The following GRIA1 variants were observed in gnomAD, a reference collection of about 807,000 sequenced individuals.
GRIA1 encodes glutamate ionotropic receptor AMPA type subunit 1.
A neutral mutation model predicts 99.2 loss-of-function variants in GRIA1; 31 were observed. The observed-to-expected ratio is 0.31, with a 90% CI of 0.23 to 0.42. The LOEUF is 0.42. GRIA1 is among the 10% of genes least tolerant of loss of function. GRIA1 has a pLI of 1.00. For synonymous variants in GRIA1, 438 were observed against 432.4 expected (o/e 1.01, Z -0.16); for missense variants, 782 against 1,157.5 (o/e 0.68, Z 4.71).
At chr5:153,495,798 A>G (rs773124767) in intron 2 of GRIA1, among the ~76,000 whole-genome samples, 17 of 152,142 alleles carry the variant, frequency 1.1e-4, no homozygotes, top group Non-Finnish European at 2.1e-4. Flanking sequence ...TTGCTATTAG[A>G]TAACCTTTCT....
At chr5:153,720,892 T>G (rs1057188118) in intron 11 of GRIA1, among the ~76,000 whole-genome samples, 1 of 152,190 alleles carries the variant, frequency 6.6e-6, no homozygotes, top group Non-Finnish European at 1.5e-5. Context: ...ATGATGTGTA[T>G]AGTCTCATTA....
intron 2 of GRIA1, among the ~76,000 whole-genome samples, chr5:153,552,008 T>C (rs1760192388): frequency 6.6e-6 from 1 of 152,092 alleles, no homozygotes; most frequent in South Asian, 2.1e-4. Context: ...AATCATCACT[T>C]TGGAATTGTC....
At chr5:153,737,437 C>T (rs1455202011) in intron 11 of GRIA1, among the ~76,000 whole-genome samples, 1 of 152,014 alleles carries the variant, frequency 6.6e-6, no homozygotes, top group East Asian at 1.9e-4. Flanking sequence ...ATGTGATTGC[C>T]AATTACTGTG....
In GRIA1 at chr5:153,499,631, A is replaced by G; in HGVS notation, c.220+5566A>G. Among the ~76,000 whole-genome samples the G allele has an allele frequency of 1.3e-5, 2 of 150,888 alleles. 1 individual carries two copies. The highest frequency in any genetic ancestry group is 3.0e-5 in the Non-Finnish European group (2 of 67,636). On this transcript the variant is annotated intron_variant, in intron 2 of 15. Coordinates refer to ENST00000285900, the MANE Select transcript of GRIA1 (RefSeq NM_000827.4). ...TTTGTCTCAAAAAAAAAAAAAAAAA[A>G]AAAAAAAAACTATGAATATATGGAC... is the stretch of plus-strand genomic sequence containing the variant.
At position 153,572,431 on chromosome 5, in the gene GRIA1, G is replaced by A. The variant is rs186361047; in HGVS notation, c.221-74497G>A. Among the ~76,000 whole-genome samples, 5 of 152,312 alleles carry A rather than the reference G, an allele frequency of 3.3e-5. No individual in the cohort carries two copies. The East Asian group carries it at 9.6e-4, about 29-fold the overall frequency. On this transcript the variant is annotated intron_variant, in intron 2 of 15. Transcript: ENST00000285900. ...GCACCTCCTGTGCATTCATCCTGAAGGAGAGAGTTACTTTACCTTTAGATA... is the reference window on the plus strand; with the variant it reads ...GCACCTCCTGTGCATTCATCCTGAAAGAGAGAGTTACTTTACCTTTAGATA...
chr5:153,709,048 C>G (rs1256359041), intron 11 of GRIA1, among the ~76,000 whole-genome samples: 1 of 152,198 alleles, frequency 6.6e-6, no homozygotes, highest in Non-Finnish European at 1.5e-5. Flanking sequence ...ACATATACTT[C>G]ATCTTACCTT....
At chr5:153,497,863 G>A (rs922008738) in intron 2 of GRIA1, among the ~76,000 whole-genome samples, 1 of 152,150 alleles carries the variant, frequency 6.6e-6, no homozygotes, top group Non-Finnish European at 1.5e-5. Context: ...TTTCTATCCT[G>A]TAAAGAGAAA....
chr5:153,542,097 T>A (rs1759178950), intron 2 of GRIA1, among the ~76,000 whole-genome samples: 1 of 152,030 alleles, frequency 6.6e-6, no homozygotes, highest in African/African-American at 2.4e-5. Flanking sequence ...AGCCTGTTCT[T>A]CCTGATGATA....
chr5:153,490,915 C>T lies in GRIA1; in HGVS notation c.27C>T (p.Cys9=). The part of the protein sequence containing the change: MQHIFAFF[C]TGFLGAVVGA... The stretch of plus-strand genomic sequence containing the variant: ...TGCAGCACATTTTTGCCTTCTTCTG[C>T]ACCGGTTTCCTAGGCGCGGTAGTAG... The change falls in exon 1 of 16, where the codon TGC becomes TGT. Residue 9 remains cysteine, a synonymous_variant. Transcript: ENST00000285900. 1 of 1,614,128 alleles carries T rather than the reference C, an allele frequency of 6.2e-7. No homozygotes were observed. The highest frequency in any genetic ancestry group is 8.5e-7 in the Non-Finnish European group (1 of 1,179,988).
intron 7 of GRIA1, among the ~76,000 whole-genome samples, chr5:153,681,335 G>C (rs1202206149): frequency 6.6e-6 from 1 of 152,152 alleles, no homozygotes; most frequent in Non-Finnish European, 1.5e-5. Context: ...CCAACGTCCA[G>C]GGTCATATTT....
chr5:153,510,055 A>G (rs1489892164), intron 2 of GRIA1, among the ~76,000 whole-genome samples: 2 of 152,164 alleles, frequency 1.3e-5, no homozygotes, highest in Non-Finnish European at 2.9e-5. Flanking sequence ...CCACTTTGCT[A>G]CTTGTTTCCT....
intron 1 of GRIA1, 83 bp from the exon 2 acceptor site, chr5:153,493,844 GA>G: frequency 7.1e-7 from 1 of 1,416,282 alleles, no homozygotes; most frequent in Non-Finnish European, 9.8e-7. Flanking sequence ...ATGGGGAGAA[GA>G]AAAGGACTCA....
intron 2 of GRIA1, among the ~76,000 whole-genome samples, chr5:153,565,888 G>A (rs1428795779): frequency 6.6e-6 from 1 of 151,896 alleles, no homozygotes; most frequent in Non-Finnish European, 1.5e-5. Flanking sequence ...ATAGACATTT[G>A]AGTTGTTTTT....
intron 5 of GRIA1, among the ~76,000 whole-genome samples, chr5:153,663,253 A>T (rs919714643): frequency 6.6e-6 from 1 of 152,234 alleles, no homozygotes; most frequent in Non-Finnish European, 1.5e-5. Flanking sequence ...CAAGTTGTTG[A>T]AAAACCTTTT....
chr5:153,545,570 G>A (rs921169657), intron 2 of GRIA1, among the ~76,000 whole-genome samples: 6 of 152,124 alleles, frequency 3.9e-5, no homozygotes, highest in Non-Finnish European at 5.9e-5. Flanking sequence ...TAGTTGCTTG[G>A]GTCCCGGGTT....
chr5:153,516,426 TG>T (rs1233690619), intron 2 of GRIA1, among the ~76,000 whole-genome samples: 2 of 151,790 alleles, frequency 1.3e-5, no homozygotes, highest in Non-Finnish European at 2.9e-5. Context: ...CAGCACCCTT[TG>T]GGGGAAAGAG....
chr5:153,615,709 C>T (rs935490164), intron 2 of GRIA1, among the ~76,000 whole-genome samples: 3 of 152,088 alleles, frequency 2.0e-5, no homozygotes, highest in Admixed American at 2.0e-4. Flanking sequence ...TTGCTTTGTC[C>T]AGGGGCTCTG....
At chr5:153,741,668 G>A (rs6878548) in intron 11 of GRIA1, among the ~76,000 whole-genome samples, 29,235 of 152,054 alleles carry the variant, frequency 0.19, 3,229 homozygotes, top group East Asian at 0.53. Context: ...GACAAATACC[G>A]CATGGTTCCA....
chr5:153,569,354 T>C (rs1166591713), intron 2 of GRIA1, among the ~76,000 whole-genome samples: 2 of 152,240 alleles, frequency 1.3e-5, no homozygotes, highest in Non-Finnish European at 2.9e-5. Flanking sequence ...CAGCCATGGG[T>C]AAGCAGTCTC....
Sources: gnomAD v4.1 joint callset for allele counts (sites outside exome capture counted in the v4.1 genomes callset) on GRCh38, gnomAD v4.1.1 for gene constraint, MANE v1.5 for transcripts, NCBI Gene and HGNC (gene_info 2026-07-23, HGNC 2026-07-21) for gene names.